Variants in ZNF618 observed in about 807,000 individuals in gnomAD.
ZNF618 encodes zinc finger protein 618, also known as neural precursor cell expressed, developmentally down-regulated 10.
ZNF618 carries 34 observed loss-of-function variants against 103.0 expected under a neutral mutation model. The ratio of observed to expected loss-of-function variants is 0.33; its 90% confidence interval spans 0.25 to 0.44. The LOEUF (loss-of-function observed/expected upper bound fraction) is 0.44. Among genes scored for constraint, ZNF618 ranks in the 20% least tolerant of loss-of-function variants. ZNF618 has a pLI of 1.00. For missense variants in ZNF618, 1,059 were observed against 1,295.4 expected (o/e 0.82, Z 2.80); for synonymous variants, 551 against 542.2 (o/e 1.02, Z -0.23).
At chr9:113,998,214 A>G in intron 3 of ZNF618, 45 bp from the exon 4 acceptor site, 1 of 1,535,306 alleles carries the variant, frequency 6.5e-7, no homozygotes, top group Non-Finnish European at 8.8e-7. Context: ...CCTTCCAGGC[A>G]TTCTCCAACT....
At chr9:113,910,828 T>A (rs1204523816) in intron 1 of ZNF618, among the ~76,000 whole-genome samples, 2 of 149,252 alleles carry the variant, frequency 1.3e-5, no homozygotes, top group African/African-American at 4.9e-5. Flanking sequence ...TTCTGCTTTT[T>A]CTTTTTTTCT....
chr9:114,047,556 T>C (rs1430290671), intron 13 of ZNF618, among the ~76,000 whole-genome samples: 1 of 151,974 alleles, frequency 6.6e-6, no homozygotes, highest in Non-Finnish European at 1.5e-5. Flanking sequence ...GTGCAGGGAG[T>C]AGGTGTGGGG....
intron 1 of ZNF618, among the ~76,000 whole-genome samples, chr9:113,958,718 G>T (rs814683): frequency 0.06 from 9,170 of 152,220 alleles, 375 homozygotes; most frequent in African/African-American, 0.12. Context: ...CTGGTGTACT[G>T]CTGGAGCCTG....
chr9:113,884,517 A>G (rs1308979643), intron 1 of ZNF618, among the ~76,000 whole-genome samples: 2 of 152,226 alleles, frequency 1.3e-5, no homozygotes, highest in Non-Finnish European at 1.5e-5. Flanking sequence ...CATCTAGTCC[A>G]AGGATGGTAA....
intron 1 of ZNF618, among the ~76,000 whole-genome samples, chr9:113,949,015 T>C (rs924872510): frequency 3.3e-5 from 5 of 152,236 alleles, no homozygotes; most frequent in African/African-American, 1.2e-4. Context: ...CTCTGCCTAT[T>C]TACTCAGCCT....
intron 1 of ZNF618, among the ~76,000 whole-genome samples, chr9:113,902,063 T>G (rs1193151455): frequency 6.6e-6 from 1 of 151,956 alleles, no homozygotes; most frequent in Non-Finnish European, 1.5e-5. Context: ...TGGCAGTGCT[T>G]CCATTTTCTC....
At chr9:113,947,568 C>T (rs1835161145) in intron 1 of ZNF618, among the ~76,000 whole-genome samples, 1 of 152,164 alleles carries the variant, frequency 6.6e-6, no homozygotes, top group Non-Finnish European at 1.5e-5. Flanking sequence ...CAGCCATGTG[C>T]CTCTGATTCT....
intron 1 of ZNF618, among the ~76,000 whole-genome samples, chr9:113,905,732 C>T (rs10982000): frequency 0.24 from 37,000 of 152,042 alleles, 4,605 homozygotes; most frequent in East Asian, 0.34. Context: ...TGGGTGAAGC[C>T]GTTGAAGAAT....
intron 2 of ZNF618, among the ~76,000 whole-genome samples, chr9:113,982,425 C>T (rs1041369837): frequency 4.6e-5 from 7 of 152,084 alleles, no homozygotes; most frequent in Non-Finnish European, 8.8e-5. Context: ...GCCTTCTCTC[C>T]TCTGTAACTT....
At chr9:114,008,438 G>T in intron 8 of ZNF618, 39 bp from the exon 9 acceptor site, 1 of 1,613,566 alleles carries the variant, frequency 6.2e-7, no homozygotes, top group South Asian at 1.1e-5. Flanking sequence ...CCTGAGACCT[G>T]GGGGACCAGG....
At chr9:114,042,334 G>C (rs922111546) in intron 13 of ZNF618, among the ~76,000 whole-genome samples, 11 of 152,124 alleles carry the variant, frequency 7.2e-5, no homozygotes, top group Non-Finnish European at 8.8e-5. Context: ...AGTTTGATTG[G>C]TTTGGACAAA....
At chr9:113,905,948 C>T (rs1000075804) in intron 1 of ZNF618, among the ~76,000 whole-genome samples, 4 of 152,092 alleles carry the variant, frequency 2.6e-5, no homozygotes, top group African/African-American at 9.7e-5. Flanking sequence ...TGTTTGCTTC[C>T]CTCTCTTAGG....
chr9:113,969,235 G>T (rs1441312634), intron 2 of ZNF618, 75 bp downstream of exon 2: 5 of 1,565,552 alleles, frequency 3.2e-6, no homozygotes, highest in Non-Finnish European at 4.4e-6. Context: ...ACCACTCTCT[G>T]GTCCTCATCT....
At chr9:113,918,787 G>C (rs1017041823) in intron 1 of ZNF618, among the ~76,000 whole-genome samples, 1 of 152,122 alleles carries the variant, frequency 6.6e-6, no homozygotes. Flanking sequence ...GATGTACCAG[G>C]CTCATCTTGC....
intron 5 of ZNF618, 65 bp from the exon 6 acceptor site, chr9:114,002,552 TTTTGCAC>T (rs148995274): frequency 0.3 from 468,403 of 1,551,544 alleles, 75,866 homozygotes; most frequent in Middle Eastern, 0.37. Flanking sequence ...CCATGTTCTC[TTTTGCAC>T]TTGGCACTGG....
rs937803466 is a variant in ZNF618 at position 113,887,651 on chromosome 9, T to A, written c.33+11238T>A. Among the ~76,000 whole-genome samples the A allele has an allele frequency of 2.0e-5, 3 of 152,240 alleles. No homozygotes were observed. In the East Asian group the frequency reaches 5.8e-4, roughly 29 times the overall value. On this transcript the variant is annotated intron_variant, in intron 1 of 14. Coordinates refer to ENST00000374126, the MANE Select transcript of ZNF618 (RefSeq NM_001318042.2). ...GCTAGAAGACCCAGAGGGCATCCTT[T>A]TATAGTGGGCAGAGCTGGCAGGGTG... is the stretch of plus-strand genomic sequence containing the variant.
chr9:113,982,586 C>T (rs1839071362), intron 2 of ZNF618, among the ~76,000 whole-genome samples: 2 of 152,270 alleles, frequency 1.3e-5, no homozygotes, highest in East Asian at 1.9e-4. Context: ...GTCATATGCA[C>T]AGAATCAGGA....
At chr9:114,042,475 C>T (rs72759046) in intron 13 of ZNF618, among the ~76,000 whole-genome samples, 2,530 of 152,046 alleles carry the variant, frequency 0.017, 30 homozygotes, top group Non-Finnish European at 0.025. Flanking sequence ...GAATTTGAGA[C>T]CAGTCCCTGG....
chr9:114,040,486 C>G (rs531577049), intron 13 of ZNF618, among the ~76,000 whole-genome samples: 66 of 152,180 alleles, frequency 4.3e-4, no homozygotes, highest in African/African-American at 1.5e-3. Flanking sequence ...TATCCTCCCC[C>G]CACCCCACAA....
Sources: allele counts gnomAD v4.1 joint callset (sites outside exome capture counted in the v4.1 genomes callset), GRCh38; gene constraint gnomAD v4.1.1; transcripts MANE v1.5; gene names NCBI Gene and HGNC (gene_info 2026-07-23, HGNC 2026-07-21).